The following USH2A variants were observed in gnomAD, a reference collection of about 807,000 sequenced individuals.
USH2A encodes the protein Usher syndrome 2A (autosomal recessive, mild).
A neutral mutation model predicts 538.9 loss-of-function variants in USH2A; 443 were observed. That is an observed-to-expected ratio of 0.82 (90% CI 0.76 to 0.89). The LOEUF (loss-of-function observed/expected upper bound fraction) is 0.89, where lower values mean the gene tolerates loss of function less well. Among genes scored for constraint, USH2A ranks in the 40% least tolerant of loss-of-function variants. USH2A has a pLI of 0.00. For missense variants in USH2A, 6,633 were observed against 6,324.8 expected, an observed-to-expected ratio of 1.05 and a Z score of -1.65; for synonymous variants, 2,413 against 2,273.5, an observed-to-expected ratio of 1.06 and a Z score of -1.75.
At chr1:216,204,368 C>A (rs1572048375) in intron 16 of USH2A, 1 of 152,078 alleles carries the variant, frequency 6.6e-6, no homozygotes, top group African/African-American at 2.4e-5. Flanking sequence ...AAAGATATAC[C>A]TTGTTTTTTA....
chr1:216,289,055 A>C (rs535287231), intron 11 of USH2A, among the ~76,000 whole-genome samples: 2 of 152,190 alleles, frequency 1.3e-5, no homozygotes, highest in African/African-American at 2.4e-5. Flanking sequence ...CATTTGTAAA[A>C]TTAAAACTAA....
At chr1:216,163,398 T>C (rs1351143640) in intron 21 of USH2A, among the ~76,000 whole-genome samples, 1 of 152,114 alleles carries the variant, frequency 6.6e-6, no homozygotes, top group African/African-American at 2.4e-5. Context: ...CATGTATATG[T>C]GTGTATATGC....
chr1:216,197,372 C>T (rs940024924), intron 18 of USH2A, among the ~76,000 whole-genome samples: 2 of 152,086 alleles, frequency 1.3e-5, no homozygotes, highest in Non-Finnish European at 2.9e-5. Flanking sequence ...AGCTAGTGAC[C>T]CATAAGATTA....
intron 37 of USH2A, 68 bp downstream of exon 37, chr1:215,965,249 A>T: frequency 1.3e-6 from 2 of 1,522,536 alleles, no homozygotes; most frequent in Non-Finnish European, 1.8e-6. Context: ...TAGCCAAAAG[A>T]AAGATTTTAA....
intron 29 of USH2A, among the ~76,000 whole-genome samples, chr1:216,071,234 T>C (rs2102547100): frequency 6.6e-6 from 1 of 152,248 alleles, no homozygotes; most frequent in East Asian, 1.9e-4. Flanking sequence ...CCGACTTTAC[T>C]GTCCAGACCA....
chr1:216,294,438 G>T (rs934936481), intron 9 of USH2A, among the ~76,000 whole-genome samples: 7 of 151,238 alleles, frequency 4.6e-5, no homozygotes, highest in Non-Finnish European at 7.4e-5. Context: ...ACATAGTTTT[G>T]TATAATTAAA....
At chr1:215,889,579 C>T (rs1665157382) in intron 40 of USH2A, among the ~76,000 whole-genome samples, 1 of 152,136 alleles carries the variant, frequency 6.6e-6, no homozygotes, top group African/African-American at 2.4e-5. Context: ...TATCTACTCC[C>T]TGTTAATATT....
intron 32 of USH2A, among the ~76,000 whole-genome samples, chr1:216,026,689 T>C (rs1668973871): frequency 6.6e-6 from 1 of 152,144 alleles, no homozygotes; most frequent in African/African-American, 2.4e-5. Context: ...GGATGAAAGA[T>C]GAAAGATAAA....
At chr1:215,986,215 G>A (rs1159799661) in intron 35 of USH2A, among the ~76,000 whole-genome samples, 1 of 151,680 alleles carries the variant, frequency 6.6e-6, no homozygotes, top group Non-Finnish European at 1.5e-5. Context: ...TGCCTCCCAC[G>A]TTCAAGCGAT....
chr1:215,877,420 GC>G (rs1331777851), intron 43 of USH2A, among the ~76,000 whole-genome samples: 2 of 152,044 alleles, frequency 1.3e-5, no homozygotes, highest in African/African-American at 2.4e-5. Context: ...TTCTACAAGT[GC>G]CCAGGAATTT....
At chr1:215,861,441 G>T (rs1664309421) in intron 44 of USH2A, among the ~76,000 whole-genome samples, 1 of 152,162 alleles carries the variant, frequency 6.6e-6, no homozygotes, top group Non-Finnish European at 1.5e-5. Flanking sequence ...ATGTTAATTT[G>T]TATCTCATGT....
At chr1:215,937,567 C>T (rs1571829318) in intron 37 of USH2A, among the ~76,000 whole-genome samples, 2 of 152,172 alleles carry the variant, frequency 1.3e-5, no homozygotes, top group Middle Eastern at 6.8e-3. Flanking sequence ...AGAACAATTA[C>T]ATGGTCAGCA....
chr1:215,762,895 T>C (rs558969087), intron 56 of USH2A, among the ~76,000 whole-genome samples: 1 of 152,190 alleles, frequency 6.6e-6, no homozygotes, highest in African/African-American at 2.4e-5. Context: ...TGGGCCTTTT[T>C]ACACAGTGAC....
chr1:216,029,969 TAGAG>T (rs893864389), intron 32 of USH2A, among the ~76,000 whole-genome samples: 3 of 148,208 alleles, frequency 2.0e-5, no homozygotes, highest in African/African-American at 7.4e-5. Flanking sequence ...GATAGATAGA[TAGAG>T]AGAGATATAG....
chr1:216,318,119 A>G (rs2037542279), intron 9 of USH2A, among the ~76,000 whole-genome samples: 1 of 152,228 alleles, frequency 6.6e-6, no homozygotes, highest in Admixed American at 6.5e-5. Flanking sequence ...TTCTCATAGG[A>G]AAGACAATTG....
chr1:216,200,144 A>C (rs1363954716), intron 16 of USH2A, 23 bp from the exon 17 acceptor site: 1 of 1,602,118 alleles, frequency 6.2e-7, no homozygotes, highest in Non-Finnish European at 8.5e-7. Context: ...GAAAAAAAAA[A>C]AACAAAGTTA....
chr1:216,179,644 G>T (rs2034455425), intron 20 of USH2A, among the ~76,000 whole-genome samples: 1 of 152,022 alleles, frequency 6.6e-6, no homozygotes, highest in South Asian at 2.1e-4. Flanking sequence ...CTGGAAGGGG[G>T]AATTAAGTGA....
intron 47 of USH2A, among the ~76,000 whole-genome samples, chr1:215,834,714 C>A (rs1663426155): frequency 6.6e-6 from 1 of 151,398 alleles, no homozygotes; most frequent in Non-Finnish European, 1.5e-5. Flanking sequence ...TTGTTGGTAT[C>A]CAGGGAATCT....
chr1:216,418,785 C>T, intron 2 of USH2A, 106 bp from the exon 3 acceptor site: 1 of 1,208,758 alleles, frequency 8.3e-7, no homozygotes, highest in South Asian at 1.2e-5. Flanking sequence ...AAACTTTGCT[C>T]AAAATGGTGT....
Sources: allele counts gnomAD v4.1 joint callset (sites outside exome capture counted in the v4.1 genomes callset), GRCh38; gene constraint gnomAD v4.1.1; transcripts MANE v1.5; gene names NCBI Gene and HGNC (gene_info 2026-07-23, HGNC 2026-07-21).